Variants in MASTL observed in about 807,000 individuals in gnomAD.
The protein encoded by MASTL is microtubule associated serine/threonine kinase like.
MASTL carries 54 observed loss-of-function variants against 82.5 expected under a neutral mutation model. The ratio of observed to expected loss-of-function variants is 0.65; its 90% CI spans 0.53 to 0.82. The LOEUF is 0.82. MASTL is among the 40% of genes least tolerant of loss of function. MASTL has a pLI of 0.00. For missense variants in MASTL, 950 were observed against 1,047.8 expected, an observed-to-expected ratio of 0.91 and a Z score of 1.29; for synonymous variants, 323 against 368.9, an observed-to-expected ratio of 0.88 and a Z score of 1.43.
At chr10:27,160,258 A>G (rs1486132495) in intron 3 of MASTL, among the ~76,000 whole-genome samples, 1 of 147,290 alleles carries the variant, frequency 6.8e-6, no homozygotes, top group Non-Finnish European at 1.5e-5. Context: ...CAGCCTCCCA[A>G]AATGCTACGA....
rs538065923 is a variant in MASTL at position 27,185,137 on chromosome 10, A to G, written c.2483-1242A>G. 1.5e-4 allele frequency among the ~76,000 whole-genome samples: 23 copies of G among 152,274 alleles called. No individual in the cohort carries two copies. The East Asian group carries it at 4.4e-3, about 29-fold the overall frequency. On this transcript the variant is annotated intron_variant, in intron 11 of 11. Transcript: ENST00000375940. ...TGAAGGATAAGGATGGAGCACAGGG[A>G]AGAAAGGGAGAAGGGGGTGAGCTTC...
intron 7 of MASTL, among the ~76,000 whole-genome samples, chr10:27,169,041 G>GA (rs909770342): frequency 1.9e-4 from 28 of 151,166 alleles, no homozygotes; most frequent in South Asian, 4.2e-4. Context: ...TTGGAATTCA[G>GA]AAAAAAAAAT....
In MASTL at chr10:27,173,062, A is replaced by G. The variant is rs556307814; in HGVS notation, c.2125-56A>G. 8.8e-6 allele frequency: 14 copies of G among 1,597,618 alleles called. No homozygotes were observed. In the African/African-American group the frequency reaches 1.9e-4, roughly 21 times the overall value. On this transcript the variant is annotated intron_variant, in intron 8 of 11. Transcript: ENST00000375940. Reference sequence around the variant, plus strand: ...TGGCTTGTGTGTTTCACCATTTTCTATTCGGTGTAAAAGGAATTAAGATAT... The same window carrying G: ...TGGCTTGTGTGTTTCACCATTTTCTGTTCGGTGTAAAAGGAATTAAGATAT...
At chr10:27,171,184 T>A in intron 8 of MASTL, 101 bp downstream of exon 8, 1 of 997,970 alleles carries the variant, frequency 1.0e-6, no homozygotes, top group Non-Finnish European at 1.5e-6. Flanking sequence ...ATCATATAGT[T>A]CTGTTCTTCT....
chr10:27,174,652 T>G (rs537433338), intron 9 of MASTL, among the ~76,000 whole-genome samples: 44 of 152,242 alleles, frequency 2.9e-4, no homozygotes, highest in African/African-American at 1.0e-3. Flanking sequence ...TCAGTGTTCC[T>G]TGACTTGAAG....
intron 7 of MASTL, among the ~76,000 whole-genome samples, chr10:27,168,413 T>G (rs540364110): frequency 1.3e-5 from 2 of 152,200 alleles, no homozygotes; most frequent in Non-Finnish European, 2.9e-5. Context: ...ATAGTGGTGC[T>G]TCTCAAGTTA....
At chr10:27,155,740 AGAGCCC>A in intron 1 of MASTL, 128 bp downstream of exon 1, 1 of 1,032,256 alleles carries the variant, frequency 9.7e-7, no homozygotes, top group Middle Eastern at 2.9e-4. Flanking sequence ...TGAAGCCTCC[AGAGCCC>A]TGCGAGCTGA....
chr10:27,173,153 C>T lies in MASTL; in HGVS notation c.2160C>T (p.Tyr720=), dbSNP rs768732468. The change falls in exon 9 of 12, where the codon TAC becomes TAT. Residue 720 remains tyrosine, a synonymous_variant. Coordinates refer to ENST00000375940, the MANE Select transcript of MASTL (RefSeq NM_001172303.3). ...TPNQIKSGTP[Y]RTPKSVRRGV... Reference sequence around the variant, plus strand: ...ATCAGATCAAGTCGGGAACTCCATACCGAACTCCGAAGAGTGTGAGAAGAG... The same window carrying T: ...ATCAGATCAAGTCGGGAACTCCATATCGAACTCCGAAGAGTGTGAGAAGAG... The T allele has an allele frequency of 8.7e-6, 14 of 1,614,130 alleles. No homozygotes were observed. The highest frequency in any genetic ancestry group is 1.2e-5 in the Non-Finnish European group (14 of 1,180,032).
rs1278289406 is a variant in MASTL at position 27,187,227 on chromosome 10, G to C, written c.*691G>C. 6.6e-6 allele frequency among the ~76,000 whole-genome samples: 1 copy of C among 152,164 alleles called. No homozygotes were observed. Among genetic ancestry groups the C allele is most frequent in the African/African-American group, 2.4e-5 (1 of 41,434 alleles). On this transcript the variant is annotated 3_prime_UTR_variant, in exon 12 of 12. Coordinates refer to ENST00000375940, the MANE Select transcript of MASTL (RefSeq NM_001172303.3). Reference sequence around the variant, plus strand: ...AGGCAGGAGAATCGCTGGAACCCAGGAGGAGGAGGTTGTGGTGAGCCAAGA... The same window carrying C: ...AGGCAGGAGAATCGCTGGAACCCAGCAGGAGGAGGTTGTGGTGAGCCAAGA...
chr10:27,170,949 GCA>G lies in MASTL; in HGVS notation c.1991_1992del (p.Ala664ValfsTer3), dbSNP rs1564495019. Reference protein sequence around the residue: ...AFRSFNSHINASNNSEPSRMN... With the variant: ...AFRSFNSHINXSNNSEPSRMN... ...TCGAAGTTTTAACAGTCATATTAAT[GCA>G]TCCAATAACTCAGAACCATCCAGAA... On this transcript the variant is annotated frameshift_variant, in exon 8 of 12. Transcript: ENST00000375940. LOFTEE classifies it high-confidence loss of function. The G allele has an allele frequency of 6.2e-7, 1 of 1,614,112 alleles. No individual in the cohort carries two copies. Among genetic ancestry groups the G allele is most frequent in the East Asian group, 2.2e-5 (1 of 44,862 alleles).
At chr10:27,185,618 CA>C (rs34847161) in intron 11 of MASTL, among the ~76,000 whole-genome samples, 10,545 of 98,524 alleles carry the variant, frequency 0.11, 1,431 homozygotes, top group African/African-American at 0.38. Flanking sequence ...AGGTGACAGA[CA>C]AAAAAAAAAA....
chr10:27,165,614 A>G, intron 6 of MASTL, 75 bp downstream of exon 6: 1 of 1,506,092 alleles, frequency 6.6e-7, no homozygotes, highest in Non-Finnish European at 9.2e-7. Flanking sequence ...AGGCTGAGGC[A>G]GGATTTCTTT....
intron 4 of MASTL, among the ~76,000 whole-genome samples, chr10:27,164,699 G>A (rs147945209): frequency 0.019 from 2,896 of 151,754 alleles, 149 homozygotes; most frequent in East Asian, 0.16. Context: ...GTGCAGTAGC[G>A]CGATCTCGGC....
At chr10:27,180,286 C>T (rs1185188176) in intron 9 of MASTL, among the ~76,000 whole-genome samples, 1 of 152,276 alleles carries the variant, frequency 6.6e-6, no homozygotes, top group Non-Finnish European at 1.5e-5. Flanking sequence ...GCGACAAGGG[C>T]TTGCTAGAGA....
chr10:27,159,862 T>C lies in MASTL; in HGVS notation c.464+104T>C. ...TAACCACTTGCACTTATTTCCAGGT[T>C]ATCTAAAGTTTACTAGTAACTTGTA... On this transcript the variant is annotated intron_variant, in intron 3 of 11. Coordinates refer to ENST00000375940, the MANE Select transcript of MASTL (RefSeq NM_001172303.3). The surrounding 1 kb of genome is among the most constrained non-coding windows in gnomAD (Gnocchi z 4.0). The C allele has an allele frequency of 3.0e-6, 3 of 984,916 alleles. No homozygotes were observed. The highest frequency in any genetic ancestry group is 4.8e-6 in the Non-Finnish European group (3 of 624,932). 61.0% of individuals were successfully genotyped at this position (984,916 alleles called of 1,614,324 possible).
rs1326104056 is a variant in MASTL, at chr10:27,158,618, G to C, written c.256G>C (p.Ala86Pro). 3.7e-6 allele frequency: 6 copies of C among 1,613,286 alleles called. No homozygotes were observed. Among genetic ancestry groups the C allele is most frequent in the Non-Finnish European group, 5.1e-6 (6 of 1,179,312 alleles). ...HQVQAERDALALSKSPFIVHL... is the reference protein window; with the variant it reads ...HQVQAERDALPLSKSPFIVHL... ...GGTCCAAGCTGAGAGAGATGCACTG[G>C]CACTAAGCAAAAGCCCATTCATTGT... Residue 86 changes from alanine to proline, a missense_variant, in exon 2 of 12, where the codon GCA (alanine) becomes CCA (proline). Physicochemically the swap from Ala to Pro is conservative, Grantham distance 27 (BLOSUM62 -1). Transcript: ENST00000375940.
In MASTL at chr10:27,160,159, C is replaced by CTTTTT. The variant is rs58196933; in HGVS notation, c.464+426_464+430dup. On this transcript the variant is annotated intron_variant, in intron 3 of 11. Coordinates refer to ENST00000375940, the MANE Select transcript of MASTL (RefSeq NM_001172303.3). ...TAGAGGTGTGTGCCATTACTCTTGG[C>CTTTTT]TTTTTTTTTTTTTTTTTTTTTTTTT... is the stretch of plus-strand genomic sequence containing the variant. Among the ~76,000 whole-genome samples the CTTTTT allele has an allele frequency of 3.0e-4, 12 of 40,604 alleles. 2 individuals are homozygous for CTTTTT. The highest frequency in any genetic ancestry group is 8.3e-4 in the African/African-American group (6 of 7,232). 26.6% of individuals were successfully genotyped at this position (40,604 alleles called of 152,430 possible).
In MASTL at chr10:27,159,936, A is replaced by G. The variant is rs186922950; in HGVS notation, c.464+178A>G. ...TTCATCTCCCTGTGTTTTTTAAAAT[A>G]TATTGCTTTGAACATGAGTATAGCA... On this transcript the variant is annotated intron_variant, in intron 3 of 11. Transcript: ENST00000375940. The surrounding 1 kb of genome is among the most constrained non-coding windows in gnomAD (Gnocchi z 4.0). Among the ~76,000 whole-genome samples, 616 of 152,212 alleles carry G rather than the reference A, an allele frequency of 4.0e-3. 1 individual carries two copies. Among genetic ancestry groups the G allele is most frequent in the African/African-American group, 0.014 (587 of 41,532 alleles).
intron 4 of MASTL, among the ~76,000 whole-genome samples, chr10:27,162,542 G>A (rs1478312240): frequency 2.0e-5 from 3 of 152,064 alleles, no homozygotes; most frequent in Non-Finnish European, 2.9e-5. Flanking sequence ...GGTGGCACAC[G>A]CCTGTAGTCC....
Sources: allele counts gnomAD v4.1 joint callset (sites outside exome capture counted in the v4.1 genomes callset), GRCh38; gene constraint gnomAD v4.1.1; non-coding constraint Gnocchi (gnomAD v3.1); transcripts MANE v1.5; gene names NCBI Gene and HGNC (gene_info 2026-07-23, HGNC 2026-07-21).